The following TMBIM6 variants were observed in gnomAD, a reference collection of about 807,000 sequenced individuals.
TMBIM6 encodes the protein transmembrane BAX inhibitor motif containing 6.
A neutral mutation model predicts 31.4 loss-of-function variants in TMBIM6; 13 were observed. That is an observed-to-expected ratio of 0.41 (90% CI 0.27 to 0.66). The LOEUF (loss-of-function observed/expected upper bound fraction) is 0.66, where lower values mean the gene tolerates loss of function less well. Among genes scored for constraint, TMBIM6 ranks in the 30% least tolerant of loss-of-function variants. The probability of loss-of-function intolerance (pLI) is 0.28; values close to 1 mark genes in which losing one functional copy is unlikely to be tolerated. For missense variants in TMBIM6, 275 were observed against 289.5 expected (o/e 0.95, Z 0.36); for synonymous variants, 85 against 101.7 (o/e 0.84, Z 0.99).
chr12:49,745,677 A>C (rs1592720503), intron 1 of TMBIM6, among the ~76,000 whole-genome samples: 2 of 149,674 alleles, frequency 1.3e-5, no homozygotes, highest in South Asian at 4.1e-4. Flanking sequence ...GTGAGCTGAG[A>C]TCGTGCCACT....
chr12:49,760,133 GT>G, intron 8 of TMBIM6, among the ~76,000 whole-genome samples: 1 of 148,818 alleles, frequency 6.7e-6, no homozygotes, highest in African/African-American at 2.5e-5. Context: ...AAAAAAAAGT[GT>G]TGGGGGGTGG....
At chr12:49,751,993 C>T (rs1945502826) in intron 1 of TMBIM6, among the ~76,000 whole-genome samples, 1 of 152,076 alleles carries the variant, frequency 6.6e-6, no homozygotes, top group Non-Finnish European at 1.5e-5. Context: ...GAACTCCTGA[C>T]CTCAGGTGAT....
intron 1 of TMBIM6, among the ~76,000 whole-genome samples, chr12:49,747,574 G>T (rs1005925968): frequency 3.3e-5 from 5 of 152,358 alleles, no homozygotes; most frequent in Non-Finnish European, 7.3e-5. Flanking sequence ...TTCCCAAAGT[G>T]CTGGGCTCAC....
chr12:49,745,656 C>A (rs1351349926), intron 1 of TMBIM6, among the ~76,000 whole-genome samples: 1 of 150,464 alleles, frequency 6.6e-6, no homozygotes, highest in African/African-American at 2.5e-5. Flanking sequence ...ACCCAGGAGG[C>A]AGAGGTTGCA....
In TMBIM6 at chr12:49,764,352, T is replaced by C. The variant is rs1225562743; in HGVS notation, c.*1456T>C. On this transcript the variant is annotated 3_prime_UTR_variant, in exon 10 of 10. Coordinates refer to ENST00000267115, the MANE Select transcript of TMBIM6 (RefSeq NM_003217.3). The stretch of plus-strand genomic sequence containing the variant: ...TTTGGCTCTCCCTATTCACAACCAG[T>C]GCACAGTTTGACACAGTGGCCTCAG... 6.6e-6 allele frequency: 1 copy of C among 152,200 alleles called. No individual in the cohort carries two copies. The highest frequency in any genetic ancestry group is 1.5e-5 in the Non-Finnish European group (1 of 68,040). 9.4% of individuals were successfully genotyped at this position (152,200 alleles called of 1,614,324 possible).
At chr12:49,760,533 CTT>C (rs35862867) in intron 8 of TMBIM6, among the ~76,000 whole-genome samples, 11,035 of 93,320 alleles carry the variant, frequency 0.12, 651 homozygotes, top group African/African-American at 0.22. Context: ...TGCCCAGCCA[CTT>C]TTTTTTTTTT....
intron 7 of TMBIM6, chr12:49,759,001 C>T (rs1945661844): frequency 1.6e-6 from 1 of 626,390 alleles, no homozygotes; most frequent in Non-Finnish European, 2.8e-6. Flanking sequence ...CTGGCAGTGG[C>T]TGATTGTTAA....
At chr12:49,759,659 T>G (rs866962440) in intron 8 of TMBIM6, among the ~76,000 whole-genome samples, 27 of 152,042 alleles carry the variant, frequency 1.8e-4, no homozygotes, top group African/African-American at 6.5e-4. Flanking sequence ...ATAAAAAAAT[T>G]AGCTGGGCAT....
intron 9 of TMBIM6, chr12:49,762,003 G>A: frequency 2.0e-6 from 1 of 490,246 alleles, no homozygotes; most frequent in Non-Finnish European, 3.6e-6. Context: ...GTATGAAAGG[G>A]AAAAAAGCTT....
rs1393387303 is a variant in TMBIM6 at position 49,764,097 on chromosome 12, G to T, written c.*1201G>T. On this transcript the variant is annotated 3_prime_UTR_variant, in exon 10 of 10. Coordinates refer to ENST00000267115, the MANE Select transcript of TMBIM6 (RefSeq NM_003217.3). ...TTTCCAGAAATTTGTGGCCTTTTAG[G>T]CGGGAGTTAGGCGACCAAACCAGTG... is the stretch of plus-strand genomic sequence containing the variant. 1 of 152,100 alleles carries T rather than the reference G, an allele frequency of 6.6e-6. No individual in the cohort carries two copies. 9.4% of individuals were successfully genotyped at this position (152,100 alleles called of 1,614,324 possible). A position where few individuals can be genotyped will look rare whatever the true frequency, so the allele number is the denominator to read the frequency against.
intron 1 of TMBIM6, among the ~76,000 whole-genome samples, chr12:49,748,106 G>T (rs984416134): frequency 6.6e-6 from 1 of 152,022 alleles, no homozygotes; most frequent in Admixed American, 6.5e-5. Flanking sequence ...GTTTCACCAT[G>T]TTGGCCAGGC....
chr12:49,758,033 T>TAAA (rs774037062), intron 4 of TMBIM6, among the ~76,000 whole-genome samples, 194 bp from the exon 5 acceptor site: 1 of 133,174 alleles, frequency 7.5e-6, no homozygotes, highest in Admixed American at 7.5e-5. Flanking sequence ...GCTATTTCTA[T>TAAA]AAAAAAAAAA....
intron 3 of TMBIM6, 73 bp from the exon 4 acceptor site, chr12:49,755,562 C>A: frequency 6.3e-7 from 1 of 1,578,696 alleles, no homozygotes; most frequent in Non-Finnish European, 8.6e-7. Flanking sequence ...TGTTTGAACC[C>A]AATAAAGGTC....
chr12:49,753,924 CTTTTTT>C (rs201872079), intron 3 of TMBIM6, among the ~76,000 whole-genome samples: 1 of 138,350 alleles, frequency 7.2e-6, no homozygotes, highest in East Asian at 2.1e-4. Flanking sequence ...ACTCATGGCA[CTTTTTT>C]TTTTTTTTTT....
rs746804230 is a variant in TMBIM6, at chr12:49,758,385, T to G, written c.338T>G (p.Ile113Ser). 6.2e-7 allele frequency: 1 copy of G among 1,614,216 alleles called. No individual in the cohort carries two copies. The highest frequency in any genetic ancestry group is 2.2e-5 in the East Asian group (1 of 44,888). ...CTAATGGTCTTTTTTTCTAACAGCA[T>G]CCTTCCCACTGCTTTCATGGGCACG... ...LEFCIAVNPS[I>S]LPTAFMGTAM... is the part of the protein sequence containing the mutation. Residue 113 changes from isoleucine (I) to serine (S), a missense_variant and splice_region_variant, in exon 6 of 10, where the codon ATC (isoleucine) becomes AGC (serine). Coordinates refer to ENST00000267115, the MANE Select transcript of TMBIM6 (RefSeq NM_003217.3).
chr12:49,758,818 C>CTTTT lies in TMBIM6; in HGVS notation c.513+69_513+72dup, dbSNP rs57007895. 6.0e-3 allele frequency: 7,009 copies of CTTTT among 1,159,110 alleles called. 179 individuals carry two copies. In the African/African-American group the frequency reaches 0.075, roughly 12 times the overall value. The allele number at this position is 1,159,110 out of a possible 1,614,324, so 71.8% of individuals were successfully genotyped here. On this transcript the variant is annotated intron_variant, in intron 7 of 9. Coordinates refer to ENST00000267115, the MANE Select transcript of TMBIM6 (RefSeq NM_003217.3). Reference sequence around the variant, plus strand: ...CATTTGCCTCACACTTCTTTCTTTCCTTTTTTTTTTTTTTTTGCACTTCTT... The same window carrying CTTTT: ...CATTTGCCTCACACTTCTTTCTTTCCTTTTTTTTTTTTTTTTTTTTGCACTTCTT...
chr12:49,759,188 C>A, intron 7 of TMBIM6, 33 bp from the exon 8 acceptor site: 1 of 1,573,714 alleles, frequency 6.4e-7, no homozygotes, highest in Non-Finnish European at 8.7e-7. Context: ...GCAACTTCTG[C>A]TGTATAGTAA....
chr12:49,757,433 C>T (rs545878273), intron 4 of TMBIM6, among the ~76,000 whole-genome samples: 2 of 152,270 alleles, frequency 1.3e-5, no homozygotes, highest in South Asian at 2.1e-4. Flanking sequence ...ACAGACAGTG[C>T]ATTAAAGCTA....
At chr12:49,762,750 C>T (rs2136967262) in intron 9 of TMBIM6, 123 bp from the exon 10 acceptor site, 1 of 912,602 alleles carries the variant, frequency 1.1e-6, no homozygotes, top group Non-Finnish European at 1.7e-6. Context: ...GCTAAGGAAG[C>T]ATTTCTCATT....
Sources: allele counts gnomAD v4.1 joint callset (sites outside exome capture counted in the v4.1 genomes callset), GRCh38; gene constraint gnomAD v4.1.1; transcripts MANE v1.5; gene names NCBI Gene and HGNC (gene_info 2026-07-23, HGNC 2026-07-21).